Variants in NBEAL1 observed in about 807,000 individuals in gnomAD.
NBEAL1 encodes the protein neurobeachin-like protein 1.
A neutral mutation model predicts 351.3 loss-of-function variants in NBEAL1; 273 were observed. That is an observed-to-expected ratio of 0.78 (90% confidence interval 0.70 to 0.86). The LOEUF is 0.86. NBEAL1 is among the 40% of genes least tolerant of loss of function. The pLI is 0.00. For synonymous variants in NBEAL1, 1,050 were observed against 1,086.4 expected (o/e 0.97, Z 0.66); for missense variants, 2,961 against 3,201.3 (o/e 0.92, Z 1.81).
chr2:203,103,667 TTG>T, intron 12 of NBEAL1, among the ~76,000 whole-genome samples: 1 of 152,322 alleles, frequency 6.6e-6, no homozygotes, highest in Middle Eastern at 3.4e-3. Context: ...TGGTTTTCTC[TTG>T]TTTCTCCAGT....
chr2:203,119,423 G>GGTTTTTTTTTT (rs1559379701), intron 18 of NBEAL1, among the ~76,000 whole-genome samples: 1 of 21,430 alleles, frequency 4.7e-5, no homozygotes, highest in African/African-American at 9.3e-5. Flanking sequence ...ACGGCCTGTT[G>GGTTTTTTTTTT]CTTTTTTTTT....
At chr2:203,205,689 C>G (rs1237869731) in intron 51 of NBEAL1, among the ~76,000 whole-genome samples, 1 of 152,162 alleles carries the variant, frequency 6.6e-6, no homozygotes, top group Admixed American at 6.5e-5. Flanking sequence ...GATTTCTCTA[C>G]TCTTAAGTAA....
At chr2:203,085,486 T>A (rs1448194757) in intron 10 of NBEAL1, 3 of 152,304 alleles carry the variant, frequency 2.0e-5, no homozygotes, top group Non-Finnish European at 2.9e-5. Context: ...AAATATATGT[T>A]GTCTTCATAA....
chr2:203,054,534 T>C (rs541797989), intron 4 of NBEAL1, among the ~76,000 whole-genome samples: 8 of 152,236 alleles, frequency 5.3e-5, no homozygotes, highest in Middle Eastern at 3.4e-3. Context: ...CCTCTCAAAG[T>C]GTTGGGATTA....
chr2:203,177,360 C>T (rs1166335004), intron 42 of NBEAL1, among the ~76,000 whole-genome samples: 5 of 141,302 alleles, frequency 3.5e-5, no homozygotes, highest in South Asian at 2.3e-4. Flanking sequence ...CATAGTGAGA[C>T]GCCCATCTCT....
intron 6 of NBEAL1, 27 bp downstream of exon 6, chr2:203,057,480 T>A: frequency 6.6e-7 from 1 of 1,522,290 alleles, no homozygotes. Flanking sequence ...ATAACGTTCA[T>A]TTAAAACCTG....
chr2:203,058,160 C>T (rs2061436826), intron 6 of NBEAL1, among the ~76,000 whole-genome samples: 1 of 152,042 alleles, frequency 6.6e-6, no homozygotes, highest in Non-Finnish European at 1.5e-5. Context: ...TGTAGAGCTT[C>T]TGTCATCAGG....
In NBEAL1 at chr2:203,014,951, T is replaced by A. The variant is rs572791243; in HGVS notation, c.-261T>A. 3 of 152,348 alleles carry A rather than the reference T, an allele frequency of 2.0e-5. No individual in the cohort carries two copies. In the East Asian group the frequency reaches 5.8e-4, roughly 30 times the overall value. The allele number at this position is 152,348 out of a possible 1,614,324, so 9.4% of individuals were successfully genotyped here. ...GGGTCGAGGGAAGCAGTTAGACGGC[T>A]GCCGGGCGGCGGCTGCCGCGCGGCA... On this transcript the variant is annotated 5_prime_UTR_variant, in exon 1 of 56. Coordinates refer to ENST00000683969, the MANE Select transcript of NBEAL1 (RefSeq NM_001378026.1).
At chr2:203,144,127 C>T (rs1010446178) in intron 31 of NBEAL1, among the ~76,000 whole-genome samples, 1 of 148,224 alleles carries the variant, frequency 6.7e-6, no homozygotes, top group African/African-American at 2.5e-5. Context: ...AGGAGAATCG[C>T]TTGAACCCAG....
chr2:203,108,331 G>T, intron 14 of NBEAL1, 143 bp downstream of exon 14: 1 of 616,778 alleles, frequency 1.6e-6, no homozygotes. Flanking sequence ...GCTTTATACA[G>T]TTTAATTATA....
intron 19 of NBEAL1, among the ~76,000 whole-genome samples, chr2:203,123,136 G>GA (rs60819391): frequency 0.98 from 142,860 of 145,222 alleles, 70,265 homozygotes; most frequent in Middle Eastern, 1. Context: ...GGTAAATCAG[G>GA]AAAAAAAAAA....
chr2:203,061,092 A>G (rs750252198), intron 6 of NBEAL1, among the ~76,000 whole-genome samples: 1 of 152,200 alleles, frequency 6.6e-6, no homozygotes, highest in African/African-American at 2.4e-5. Flanking sequence ...GCTTATCTCC[A>G]CTGACTTCTT....
Position 203,031,575 on chromosome 2 carries a change from T to C in NBEAL1, c.52-10190T>C, listed in dbSNP as rs944129919. ...CAAGAGCAAATGTCAGCTACTTCTCTAAGGGCAATTTTGAGATGCATTTTA... is the reference window on the plus strand; with the variant it reads ...CAAGAGCAAATGTCAGCTACTTCTCCAAGGGCAATTTTGAGATGCATTTTA... On this transcript the variant is annotated intron_variant, in intron 2 of 55. Coordinates refer to ENST00000683969, the MANE Select transcript of NBEAL1 (RefSeq NM_001378026.1). 3.9e-5 allele frequency among the ~76,000 whole-genome samples: 6 copies of C among 152,318 alleles called. No homozygotes were observed. In the South Asian group the frequency reaches 1.2e-3, roughly 32 times the overall value.
At chr2:203,049,467 G>T (rs1038741945) in intron 3 of NBEAL1, among the ~76,000 whole-genome samples, 2 of 151,894 alleles carry the variant, frequency 1.3e-5, no homozygotes, top group Non-Finnish European at 2.9e-5. Context: ...AGTATACATA[G>T]TATTTTTAAG....
chr2:203,047,248 A>C (rs1006903517), intron 3 of NBEAL1, among the ~76,000 whole-genome samples: 6 of 152,110 alleles, frequency 3.9e-5, no homozygotes, highest in Non-Finnish European at 5.9e-5. Flanking sequence ...CAAAAAAAAA[A>C]AAACAAACAC....
intron 8 of NBEAL1, 123 bp downstream of exon 8, chr2:203,077,960 A>G (rs984213203): frequency 4.4e-6 from 2 of 455,422 alleles, no homozygotes; most frequent in African/African-American, 4.1e-5. Context: ...TTGAACTTAT[A>G]TATTGTAACT....
intron 42 of NBEAL1, among the ~76,000 whole-genome samples, chr2:203,176,200 G>T (rs1197887707): frequency 7.5e-6 from 1 of 132,788 alleles, no homozygotes; most frequent in Non-Finnish European, 1.5e-5. Context: ...TTGAGACAGA[G>T]TCTCACTCCT....
In NBEAL1 at chr2:203,083,456, G is replaced by T. The variant is rs571249201; in HGVS notation, c.922G>T (p.Ala308Ser). The stretch of plus-strand genomic sequence containing the variant: ...TAAATTGCTAAATTCAGATCATTCA[G>T]CTTTACCTAATCAAAGGAGGTCCAG... ...YFKLLNSDHSALPNQRRSRQW... is the reference protein window; with the variant it reads ...YFKLLNSDHSSLPNQRRSRQW... Residue 308 changes from alanine to serine, a missense_variant, in exon 9 of 56, where the codon GCT (alanine) becomes TCT (serine). Physicochemically the swap from Ala to Ser is moderately conservative, Grantham distance 99 (BLOSUM62 1). Coordinates refer to ENST00000683969, the MANE Select transcript of NBEAL1 (RefSeq NM_001378026.1). 2.6e-6 allele frequency: 4 copies of T among 1,552,950 alleles called. No individual in the cohort carries two copies. The African/African-American group carries it at 4.1e-5, about 16-fold the overall frequency.
intron 2 of NBEAL1, among the ~76,000 whole-genome samples, chr2:203,020,244 A>G (rs945461868): frequency 1.3e-5 from 2 of 152,184 alleles, no homozygotes; most frequent in African/African-American, 4.8e-5. Context: ...TGTTAGAAAC[A>G]TGTGTCTTCT....
Sources: allele counts gnomAD v4.1 joint callset (sites outside exome capture counted in the v4.1 genomes callset), GRCh38; gene constraint gnomAD v4.1.1; transcripts MANE v1.5; gene names NCBI Gene and HGNC (gene_info 2026-07-23, HGNC 2026-07-21).